CACNA2D1: variants seen among roughly 807,000 people sequenced by gnomAD.
CACNA2D1 encodes the protein calcium voltage-gated channel auxiliary subunit alpha2delta 1, also known as voltage-dependent calcium channel subunit alpha-2/delta-1.
In CACNA2D1, 53 loss-of-function variants were observed where a neutral mutation model predicts 171.5. The observed-to-expected ratio is 0.31, with a 90% CI of 0.25 to 0.39. The LOEUF is 0.39. Among genes scored for constraint, CACNA2D1 ranks in the 10% least tolerant of loss-of-function variants. CACNA2D1 has a pLI of 1.00. For missense variants in CACNA2D1, 903 were observed against 1,299.8 expected (o/e 0.69, Z 4.69); for synonymous variants, 442 against 443.1 (o/e 1.00, Z 0.03).
chr7:82,285,681 T>C (rs1810670769), intron 3 of CACNA2D1, among the ~76,000 whole-genome samples: 1 of 152,112 alleles, frequency 6.6e-6, no homozygotes, highest in Non-Finnish European at 1.5e-5. Context: ...GTAGCATATA[T>C]GAACGCATGG....
At chr7:82,036,206 T>C (rs1803270266) in intron 11 of CACNA2D1, among the ~76,000 whole-genome samples, 1 of 152,134 alleles carries the variant, frequency 6.6e-6, no homozygotes, top group Admixed American at 6.6e-5. Flanking sequence ...AGCTCCTCAC[T>C]TCTATTCCCA....
chr7:82,068,461 C>T (rs1807923066), intron 7 of CACNA2D1, among the ~76,000 whole-genome samples: 1 of 152,104 alleles, frequency 6.6e-6, no homozygotes, highest in African/African-American at 2.4e-5. Flanking sequence ...TCTATCTCAA[C>T]CCTAGAGGCA....
intron 1 of CACNA2D1, among the ~76,000 whole-genome samples, chr7:82,426,548 ATG>A (rs1284224666): frequency 6.6e-6 from 1 of 152,224 alleles, no homozygotes; most frequent in African/African-American, 2.4e-5. Context: ...CCATGATGAT[ATG>A]TGTGTTGCTC....
At chr7:82,106,855 T>C (rs1356810693) in intron 6 of CACNA2D1, among the ~76,000 whole-genome samples, 1 of 152,170 alleles carries the variant, frequency 6.6e-6, no homozygotes, top group Non-Finnish European at 1.5e-5. Flanking sequence ...AGGATTTATG[T>C]GATCTGCATG....
At chr7:82,122,078 G>A (rs1309443031) in intron 5 of CACNA2D1, among the ~76,000 whole-genome samples, 4 of 152,110 alleles carry the variant, frequency 2.6e-5, no homozygotes, top group Non-Finnish European at 4.4e-5. Context: ...ATGTATAAAA[G>A]AGAAGAAACA....
chr7:82,392,324 T>A (rs1163144148), intron 1 of CACNA2D1, among the ~76,000 whole-genome samples: 1 of 152,170 alleles, frequency 6.6e-6, no homozygotes, highest in East Asian at 1.9e-4. Flanking sequence ...CCACCCAACT[T>A]CAGGTGGGGG....
At chr7:82,412,202 T>G (rs192885511) in intron 1 of CACNA2D1, among the ~76,000 whole-genome samples, 24 of 152,198 alleles carry the variant, frequency 1.6e-4, no homozygotes, top group Admixed American at 1.6e-3. Flanking sequence ...ATCTAGACAC[T>G]TTGATCAGTC....
At chr7:81,981,653 T>C (rs906117800) in intron 24 of CACNA2D1, among the ~76,000 whole-genome samples, 1 of 152,160 alleles carries the variant, frequency 6.6e-6, no homozygotes, top group African/African-American at 2.4e-5. Flanking sequence ...TATATTTGAA[T>C]ATTATATGTG....
At position 82,272,386 on chromosome 7, in the gene CACNA2D1, A is replaced by G. The variant is rs916872236; in HGVS notation, c.294+62749T>C. 2.6e-5 allele frequency among the ~76,000 whole-genome samples: 4 copies of G among 152,216 alleles called. 1 individual carries two copies. Among genetic ancestry groups the G allele is most frequent in the African/African-American group, 7.2e-5 (3 of 41,462 alleles). On this transcript the variant is annotated intron_variant, in intron 3 of 38. Coordinates refer to ENST00000356860, the MANE Select transcript of CACNA2D1 (RefSeq NM_000722.4). Reference sequence around the variant, plus strand: ...AAAAAATTACTGTAGTGGCTTAAACATATGTCTACAAATTTGATACATCTT... The same window carrying G: ...AAAAAATTACTGTAGTGGCTTAAACGTATGTCTACAAATTTGATACATCTT...
At chr7:82,156,879 G>A (rs1794430091) in intron 4 of CACNA2D1, among the ~76,000 whole-genome samples, 1 of 152,012 alleles carries the variant, frequency 6.6e-6, no homozygotes, top group Admixed American at 6.6e-5. Context: ...AAACTGACTA[G>A]CATCAACATA....
intron 11 of CACNA2D1, among the ~76,000 whole-genome samples, chr7:82,036,112 A>G (rs765821567): frequency 1.3e-5 from 2 of 152,152 alleles, no homozygotes; most frequent in Non-Finnish European, 2.9e-5. Flanking sequence ...AGTTCAGTTC[A>G]GAGAATGTAG....
intron 12 of CACNA2D1, among the ~76,000 whole-genome samples, chr7:82,019,306 G>A (rs559829394): frequency 2.0e-5 from 3 of 152,152 alleles, no homozygotes; most frequent in Non-Finnish European, 4.4e-5. Context: ...GTGATGGAGT[G>A]AGACTCCGTC....
At chr7:82,025,060 T>G (rs578093009) in intron 12 of CACNA2D1, among the ~76,000 whole-genome samples, 1 of 151,886 alleles carries the variant, frequency 6.6e-6, no homozygotes, top group South Asian at 2.1e-4. Flanking sequence ...TAATACATTT[T>G]GATATTAGGA....
chr7:82,290,410 G>GT (rs1417396989), intron 3 of CACNA2D1, among the ~76,000 whole-genome samples: 1 of 152,022 alleles, frequency 6.6e-6, no homozygotes, highest in Non-Finnish European at 1.5e-5. Flanking sequence ...TAGACAAGAC[G>GT]TAAGAGTCCA....
intron 3 of CACNA2D1, among the ~76,000 whole-genome samples, chr7:82,288,968 T>C (rs892141519): frequency 1.3e-5 from 2 of 152,134 alleles, no homozygotes; most frequent in African/African-American, 4.8e-5. Flanking sequence ...AGTTAAATAA[T>C]AAATCACAGT....
rs554101334 is a variant in CACNA2D1 at position 81,991,253 on chromosome 7, AG to A, written c.1735-8del. 193 of 1,449,736 alleles carry A rather than the reference AG, an allele frequency of 1.3e-4. No homozygotes were observed. In the African/African-American group the frequency reaches 2.5e-3, roughly 19 times the overall value. 89.8% of individuals were successfully genotyped at this position (1,449,736 alleles called of 1,614,324 possible). On this transcript the variant is annotated splice_polypyrimidine_tract_variant and splice_region_variant and intron_variant, in intron 20 of 38. Coordinates refer to ENST00000356860, the MANE Select transcript of CACNA2D1 (RefSeq NM_000722.4). ...TTCCTTTGTCAATATATCTCTAGAA[AG>A]AAGTTTAACGTGGTTATTATCACTT...
At chr7:82,116,695 G>A (rs141857409) in intron 6 of CACNA2D1, among the ~76,000 whole-genome samples, 66 of 152,308 alleles carry the variant, frequency 4.3e-4, no homozygotes, top group African/African-American at 5.1e-4. Context: ...ATTTTTGCAT[G>A]TGTGTATAAT....
intron 11 of CACNA2D1, among the ~76,000 whole-genome samples, chr7:82,036,506 G>A (rs991074346): frequency 9.2e-5 from 14 of 152,098 alleles, no homozygotes; most frequent in African/African-American, 2.4e-4. Context: ...TCATTTTCAC[G>A]GAAATGCCAC....
intron 3 of CACNA2D1, among the ~76,000 whole-genome samples, chr7:82,289,141 G>A (rs992559562): frequency 2.6e-5 from 4 of 152,058 alleles, no homozygotes; most frequent in Admixed American, 2.0e-4. Flanking sequence ...TGTTTATGGT[G>A]AATTGAAAGT....
Sources: allele counts gnomAD v4.1 joint callset (sites outside exome capture counted in the v4.1 genomes callset), GRCh38; gene constraint gnomAD v4.1.1; transcripts MANE v1.5; gene names NCBI Gene and HGNC (gene_info 2026-07-23, HGNC 2026-07-21).